The following KCNQ5 variants were observed in gnomAD, a reference collection of about 807,000 sequenced individuals.
The protein encoded by KCNQ5 is potassium voltage-gated channel subfamily Q member 5, also known as potassium voltage-gated channel subfamily KQT member 5.
KCNQ5 carries 30 observed loss-of-function variants against 98.2 expected under a neutral mutation model. That is an observed-to-expected ratio of 0.31 (90% CI 0.23 to 0.41). The LOEUF is 0.41. KCNQ5 is among the 10% of genes least tolerant of loss of function. The probability of loss-of-function intolerance (pLI) is 1.00; values close to 1 mark genes in which losing one functional copy is unlikely to be tolerated. For synonymous variants in KCNQ5, 458 were observed against 449.4 expected (o/e 1.02, Z -0.24); for missense variants, 835 against 1,182.5 (o/e 0.71, Z 4.31).
At chr6:72,977,864 G>A (rs1225023078) in intron 1 of KCNQ5, among the ~76,000 whole-genome samples, 1 of 152,074 alleles carries the variant, frequency 6.6e-6, no homozygotes, top group South Asian at 2.1e-4. Context: ...AGTGATTCTT[G>A]TCTATTTATT....
chr6:73,158,749 ACTTTT>A (rs1274437864), intron 10 of KCNQ5, among the ~76,000 whole-genome samples: 39 of 152,316 alleles, frequency 2.6e-4, no homozygotes, highest in Non-Finnish European at 1.5e-4. Context: ...TCTTCTAGCT[ACTTTT>A]CTTTTCACAT....
intron 1 of KCNQ5, among the ~76,000 whole-genome samples, chr6:72,770,491 T>C (rs1219727483): frequency 6.6e-6 from 1 of 152,082 alleles, no homozygotes; most frequent in Non-Finnish European, 1.5e-5. Context: ...TGACGGTAAA[T>C]ATTATAATCT....
At chr6:73,141,276 T>A (rs985786565) in intron 10 of KCNQ5, among the ~76,000 whole-genome samples, 1 of 152,132 alleles carries the variant, frequency 6.6e-6, no homozygotes, top group Admixed American at 6.5e-5. Context: ...AGCCTAACCA[T>A]CTCCCAGAGC....
At chr6:73,105,398 A>G (rs778912698) in intron 6 of KCNQ5, 31 bp downstream of exon 6, 2 of 1,391,434 alleles carry the variant, frequency 1.4e-6, no homozygotes, top group East Asian at 2.3e-5. Flanking sequence ...AAAGCAGTTT[A>G]AATTAGATCT....
At chr6:72,909,055 C>T (rs936063827) in intron 1 of KCNQ5, among the ~76,000 whole-genome samples, 1 of 151,934 alleles carries the variant, frequency 6.6e-6, no homozygotes, top group African/African-American at 2.4e-5. Context: ...TAGAAAAATC[C>T]TAACACAGAC....
chr6:73,102,233 A>G (rs1774807975), intron 5 of KCNQ5, among the ~76,000 whole-genome samples: 1 of 152,178 alleles, frequency 6.6e-6, no homozygotes, highest in Non-Finnish European at 1.5e-5. Flanking sequence ...CCCTTGCCAT[A>G]TGGAAAAAAA....
intron 8 of KCNQ5, among the ~76,000 whole-genome samples, chr6:73,121,707 C>T (rs1562191435): frequency 2.0e-5 from 3 of 152,212 alleles, no homozygotes; most frequent in South Asian, 2.1e-4. Context: ...ACCTCCATGA[C>T]ATTCCCTGGC....
intron 1 of KCNQ5, among the ~76,000 whole-genome samples, chr6:72,960,980 A>T (rs984303049): frequency 2.0e-5 from 3 of 152,204 alleles, no homozygotes; most frequent in African/African-American, 7.2e-5. Context: ...TTTAAAAAAA[A>T]TGCAGTTAGA....
At chr6:72,668,526 C>T (rs1766940554) in intron 1 of KCNQ5, among the ~76,000 whole-genome samples, 1 of 152,040 alleles carries the variant, frequency 6.6e-6, no homozygotes, top group African/African-American at 2.4e-5. Context: ...GTGAGCATAA[C>T]ATGAACTAGA....
rs536659848 is a variant in KCNQ5, at chr6:72,859,602, G to A, written c.399-144306G>A. Among the ~76,000 whole-genome samples, 229 of 142,374 alleles carry A rather than the reference G, an allele frequency of 1.6e-3. 1 individual carries two copies. Among genetic ancestry groups the A allele is most frequent in the Admixed American group, 3.8e-3 (51 of 13,498 alleles). The allele number at this position is 142,374 out of a possible 152,430, so 93.4% of individuals were successfully genotyped here. ...GACTTTTTTTTTCTTTTGGAGCCAGGGTCTCACTCTGTCTGTCGCCCAGGC... is the reference window on the plus strand; with the variant it reads ...GACTTTTTTTTTCTTTTGGAGCCAGAGTCTCACTCTGTCTGTCGCCCAGGC... On this transcript the variant is annotated intron_variant, in intron 1 of 13. Coordinates refer to ENST00000370398, the MANE Select transcript of KCNQ5 (RefSeq NM_019842.4).
intron 1 of KCNQ5, among the ~76,000 whole-genome samples, chr6:72,707,261 A>T (rs1249080223): frequency 6.6e-6 from 1 of 152,210 alleles, no homozygotes; most frequent in Non-Finnish European, 1.5e-5. Flanking sequence ...GTGTTGATTA[A>T]TACTCTTTTA....
chr6:72,643,334 A>G (rs1171392186), intron 1 of KCNQ5, among the ~76,000 whole-genome samples: 1 of 152,134 alleles, frequency 6.6e-6, no homozygotes, highest in Non-Finnish European at 1.5e-5. Flanking sequence ...ATTGATCCTC[A>G]GTTAAAGGCA....
At chr6:72,697,704 T>G (rs940793152) in intron 1 of KCNQ5, among the ~76,000 whole-genome samples, 1 of 152,238 alleles carries the variant, frequency 6.6e-6, no homozygotes, top group Non-Finnish European at 1.5e-5. Flanking sequence ...CAGTTTTATG[T>G]GGATGTTTAC....
intron 5 of KCNQ5, among the ~76,000 whole-genome samples, chr6:73,083,384 CA>C (rs1328898903): frequency 3.8e-4 from 58 of 152,172 alleles, no homozygotes; most frequent in African/African-American, 1.3e-3. Flanking sequence ...ACTTCAAAAT[CA>C]GGGGTGAACA....
chr6:73,169,645 T>G, intron 10 of KCNQ5, 101 bp from the exon 11 acceptor site: 3 of 812,084 alleles, frequency 3.7e-6, no homozygotes, highest in Non-Finnish European at 6.5e-6. Context: ...GTTTATCAGC[T>G]TACTCTGTGA....
At chr6:73,143,225 G>A (rs1430910330) in intron 10 of KCNQ5, among the ~76,000 whole-genome samples, 2 of 152,152 alleles carry the variant, frequency 1.3e-5, no homozygotes, top group African/African-American at 4.8e-5. Flanking sequence ...GGAATTTCTG[G>A]AAGCTTAAGG....
At chr6:72,675,635 C>A (rs376727614) in intron 1 of KCNQ5, among the ~76,000 whole-genome samples, 36 of 152,168 alleles carry the variant, frequency 2.4e-4, no homozygotes, top group Non-Finnish European at 4.1e-4. Context: ...AATAACTGAA[C>A]TTTCTTGGCA....
chr6:73,067,421 G>C (rs769141102), intron 3 of KCNQ5, among the ~76,000 whole-genome samples: 2 of 152,028 alleles, frequency 1.3e-5, no homozygotes. Flanking sequence ...CAGACTAAAG[G>C]CTTTATATGT....
intron 1 of KCNQ5, among the ~76,000 whole-genome samples, chr6:72,943,290 A>G (rs1766391957): frequency 6.6e-6 from 1 of 152,186 alleles, no homozygotes; most frequent in African/African-American, 2.4e-5. Context: ...ACCACTTCAG[A>G]TAGGGAATTG....
Sources: gnomAD v4.1 joint callset for allele counts (sites outside exome capture counted in the v4.1 genomes callset) on GRCh38, gnomAD v4.1.1 for gene constraint, MANE v1.5 for transcripts, NCBI Gene and HGNC (gene_info 2026-07-23, HGNC 2026-07-21) for gene names.